The following GRM7 variants were observed in gnomAD, a reference collection of about 807,000 sequenced individuals.
GRM7 encodes the protein glutamate metabotropic receptor 7, also known as metabotropic glutamate receptor 7.
Under a neutral mutation model 84.5 loss-of-function variants are expected in GRM7, and 35 were observed. That is an observed-to-expected ratio of 0.41 (90% CI 0.32 to 0.55). GRM7 has a LOEUF of 0.55. GRM7 is among the 20% of genes least tolerant of loss of function. The probability of loss-of-function intolerance (pLI) is 0.19; values close to 1 mark genes in which losing one functional copy is unlikely to be tolerated. For synonymous variants in GRM7, 487 were observed against 455.1 expected (o/e 1.07, Z -0.89); for missense variants, 1,003 against 1,194.6 (o/e 0.84, Z 2.36).
Position 7,480,768 on chromosome 3 carries a change from G to A in GRM7, c.1515+19046G>A, listed in dbSNP as rs780559663. Among the ~76,000 whole-genome samples the A allele has an allele frequency of 2.6e-5, 4 of 152,138 alleles. No homozygotes were observed. In the South Asian group the frequency reaches 6.2e-4, roughly 24 times the overall value. ...CTGTACATTCAGATCATTGGGATAC[G>A]TGTTGAAGTGGAAGTTACCAGAGCC... is the stretch of plus-strand genomic sequence containing the variant. On this transcript the variant is annotated intron_variant, in intron 7 of 9. Transcript: ENST00000357716.
chr3:7,709,855 T>G (rs1373112390), intron 9 of GRM7, among the ~76,000 whole-genome samples: 1 of 152,062 alleles, frequency 6.6e-6, no homozygotes, highest in African/African-American at 2.4e-5. Context: ...AGACAATGAG[T>G]GCCAGTGGAG....
At chr3:7,686,550 C>G in intron 9 of GRM7, 3 of 611,642 alleles carry the variant, frequency 4.9e-6, no homozygotes, top group Middle Eastern at 2.9e-4. Context: ...GAAAATATAT[C>G]TATAGGAAGA....
chr3:7,206,520 T>G (rs1448492415), intron 2 of GRM7, among the ~76,000 whole-genome samples: 2 of 152,194 alleles, frequency 1.3e-5, no homozygotes, highest in Non-Finnish European at 2.9e-5. Flanking sequence ...GAAAGGTCCA[T>G]GACCTCACAA....
chr3:7,468,743 G>C (rs1698566209), intron 7 of GRM7, among the ~76,000 whole-genome samples: 1 of 152,118 alleles, frequency 6.6e-6, no homozygotes, highest in Non-Finnish European at 1.5e-5. Context: ...TCTCATGGTA[G>C]TGAGTGAGTT....
At chr3:7,149,558 C>T (rs1462200378) in intron 2 of GRM7, among the ~76,000 whole-genome samples, 1 of 152,094 alleles carries the variant, frequency 6.6e-6, no homozygotes, top group Non-Finnish European at 1.5e-5. Context: ...TCGAAAAAGT[C>T]ACCCTCACAA....
intron 8 of GRM7, among the ~76,000 whole-genome samples, chr3:7,674,131 A>T (rs969527086): frequency 5.3e-4 from 80 of 152,208 alleles, no homozygotes; most frequent in Non-Finnish European, 5.9e-5. Context: ...GACAATATAC[A>T]CTATGAAGAA....
intron 4 of GRM7, among the ~76,000 whole-genome samples, chr3:7,312,756 C>T (rs968419777): frequency 1.3e-5 from 2 of 151,642 alleles, no homozygotes; most frequent in Non-Finnish European, 1.5e-5. Flanking sequence ...AGAGATATTT[C>T]CCTCCCTTAG....
chr3:7,008,485 C>A (rs1695256287), intron 1 of GRM7, among the ~76,000 whole-genome samples: 1 of 152,192 alleles, frequency 6.6e-6, no homozygotes, highest in South Asian at 2.1e-4. Flanking sequence ...TTAAAGAAAA[C>A]TCTCTTCAAC....
At chr3:7,395,894 C>T (rs1695193827) in intron 4 of GRM7, among the ~76,000 whole-genome samples, 1 of 152,008 alleles carries the variant, frequency 6.6e-6, no homozygotes, top group Non-Finnish European at 1.5e-5. Context: ...TTTCAAATAT[C>T]TAGGAGGAGA....
intron 7 of GRM7, among the ~76,000 whole-genome samples, chr3:7,529,983 G>A (rs541513589): frequency 8.3e-4 from 123 of 147,970 alleles, no homozygotes; most frequent in African/African-American, 2.9e-3. Flanking sequence ...GGATACATGT[G>A]CAGAACGTGC....
intron 2 of GRM7, among the ~76,000 whole-genome samples, chr3:7,233,698 A>G (rs1697263883): frequency 6.6e-6 from 1 of 152,150 alleles, no homozygotes; most frequent in South Asian, 2.1e-4. Flanking sequence ...GATGACTAGA[A>G]CTGCTCTATT....
At chr3:7,232,309 A>G (rs1207953015) in intron 2 of GRM7, among the ~76,000 whole-genome samples, 1 of 152,190 alleles carries the variant, frequency 6.6e-6, no homozygotes, top group Non-Finnish European at 1.5e-5. Context: ...AATATAGATT[A>G]ACTTTTGACA....
intron 1 of GRM7, among the ~76,000 whole-genome samples, chr3:7,117,884 C>G (rs1693090587): frequency 6.6e-6 from 1 of 152,104 alleles, no homozygotes; most frequent in African/African-American, 2.4e-5. Flanking sequence ...TTGTTTTCTT[C>G]ATAAAATGAG....
intron 2 of GRM7, among the ~76,000 whole-genome samples, chr3:7,229,537 T>C (rs1416566835): frequency 6.6e-6 from 1 of 151,250 alleles, no homozygotes; most frequent in African/African-American, 2.4e-5. Context: ...TAGTGATTTT[T>C]CCATTATTTG....
intron 8 of GRM7, among the ~76,000 whole-genome samples, chr3:7,613,183 G>A (rs1005946450): frequency 5.9e-5 from 9 of 151,916 alleles, no homozygotes; most frequent in African/African-American, 2.2e-4. Flanking sequence ...ATGAATTTGG[G>A]GTCAGTGGCT....
At chr3:7,708,705 C>G (rs1312024763) in intron 9 of GRM7, among the ~76,000 whole-genome samples, 1 of 152,024 alleles carries the variant, frequency 6.6e-6, no homozygotes, top group East Asian at 1.9e-4. Context: ...ACCAGTCACT[C>G]GTAATAGCAT....
chr3:7,276,795 C>CTCCCTCCCTCCCTTCCCTTCCT lies in GRM7; in HGVS notation c.737-21888_737-21887insCCCTCCCTCCCTTCCCTTCCTT, dbSNP rs1553641242. Among the ~76,000 whole-genome samples the CTCCCTCCCTCCCTTCCCTTCCT allele has an allele frequency of 5.8e-4, 3 of 5,152 alleles. 1 individual carries two copies. Among genetic ancestry groups the CTCCCTCCCTCCCTTCCCTTCCT allele is most frequent in the Non-Finnish European group, 1.1e-3 (3 of 2,784 alleles). The allele number at this position is 5,152 out of a possible 152,430, so 3.4% of individuals were successfully genotyped here. A position where few individuals can be genotyped will look rare whatever the true frequency, so the allele number is the denominator to read the frequency against. ...CCTTCCTTCCTTCCTTCCTTCCTTC[C>CTCCCTCCCTCCCTTCCCTTCCT]TTCCTTCCTTTTTGGTGGTGGCATG... On this transcript the variant is annotated intron_variant, in intron 2 of 9. Coordinates refer to ENST00000357716, the MANE Select transcript of GRM7 (RefSeq NM_000844.4).
rs116768741 is a variant in GRM7 at position 7,712,255 on chromosome 3, A to G, written c.2699-28102A>G. ...AATGAAAGTAAACCACACCTTTCTCATAATGTGTATGATATGAATAAGGCC... is the reference window on the plus strand; with the variant it reads ...AATGAAAGTAAACCACACCTTTCTCGTAATGTGTATGATATGAATAAGGCC... On this transcript the variant is annotated intron_variant, in intron 9 of 9. Transcript: ENST00000357716. 4.1e-3 allele frequency among the ~76,000 whole-genome samples: 632 copies of G among 152,302 alleles called. 1 individual carries two copies. Among genetic ancestry groups the G allele is most frequent in the Admixed American group, 9.1e-3 (140 of 15,306 alleles).
At chr3:7,572,102 G>C (rs944293909) in intron 7 of GRM7, among the ~76,000 whole-genome samples, 1 of 152,180 alleles carries the variant, frequency 6.6e-6, no homozygotes, top group Non-Finnish European at 1.5e-5. Context: ...TTCATGATGA[G>C]ATTTGGGTGG....
Sources: allele counts gnomAD v4.1 joint callset (sites outside exome capture counted in the v4.1 genomes callset), GRCh38; gene constraint gnomAD v4.1.1; transcripts MANE v1.5; gene names NCBI Gene and HGNC (gene_info 2026-07-23, HGNC 2026-07-21).